The following SLC1A1 variants were observed in gnomAD, a reference collection of about 807,000 sequenced individuals.
The protein encoded by SLC1A1 is solute carrier family 1 member 1.
SLC1A1 carries 43 observed loss-of-function variants against 53.3 expected under a neutral mutation model. The observed-to-expected ratio is 0.81, with a 90% CI of 0.63 to 1.04. The LOEUF is 1.04. Among genes scored for constraint, SLC1A1 ranks in the 50% least tolerant of loss-of-function variants. The pLI, the probability that SLC1A1 is intolerant of heterozygous loss-of-function variation, is 0.00. For missense variants in SLC1A1, 748 were observed against 664.9 expected (o/e 1.12, Z -1.37); for synonymous variants, 307 against 243.2 (o/e 1.26, Z -2.44).
intron 8 of SLC1A1, 59 bp from the exon 9 acceptor site, chr9:4,575,942 A>T: frequency 1.3e-6 from 2 of 1,590,914 alleles, no homozygotes; most frequent in Non-Finnish European, 8.6e-7. Flanking sequence ...TGATAAAAGG[A>T]TTAAGTGTGG....
At chr9:4,547,322 C>G (rs1817574417) in intron 2 of SLC1A1, among the ~76,000 whole-genome samples, 1 of 152,194 alleles carries the variant, frequency 6.6e-6, no homozygotes, top group Non-Finnish European at 1.5e-5. Context: ...TAGCATGGAT[C>G]AAGTAGTTTC....
Position 4,566,176 on chromosome 9 carries a change from G to C in SLC1A1, c.483+87G>C, listed in dbSNP as rs1009633884. 21 of 1,177,078 alleles carry C rather than the reference G, an allele frequency of 1.8e-5. 1 individual carries two copies. In the Admixed American group the frequency reaches 3.5e-4, roughly 20 times the overall value. 72.9% of individuals were successfully genotyped at this position (1,177,078 alleles called of 1,614,324 possible). ...TTTTTTCTGCTGTGACTCAAGAAAT[G>C]GAATTAGCCCCGTGAAAATGGCAGC... On this transcript the variant is annotated intron_variant, in intron 5 of 11. Coordinates refer to ENST00000262352, the MANE Select transcript of SLC1A1 (RefSeq NM_004170.6).
chr9:4,534,244 A>T (rs1488762907), intron 1 of SLC1A1, among the ~76,000 whole-genome samples: 1 of 152,132 alleles, frequency 6.6e-6, no homozygotes, highest in Non-Finnish European at 1.5e-5. Flanking sequence ...ACACAAAAAA[A>T]CCCTTCAAAA....
At chr9:4,559,283 C>T (rs78666529) in intron 2 of SLC1A1, among the ~76,000 whole-genome samples, 59 of 152,150 alleles carry the variant, frequency 3.9e-4, no homozygotes, top group African/African-American at 1.4e-3. Flanking sequence ...GCAGTATGCC[C>T]ATTATATGGC....
intron 2 of SLC1A1, among the ~76,000 whole-genome samples, chr9:4,546,902 C>T (rs142442852): frequency 1.3e-3 from 196 of 152,298 alleles, no homozygotes; most frequent in Admixed American, 4.0e-3. Context: ...ATATTTTGCA[C>T]GCAATTGCAC....
At chr9:4,585,220 C>G in intron 11 of SLC1A1, 92 bp from the exon 12 acceptor site, 1 of 1,552,596 alleles carries the variant, frequency 6.4e-7, no homozygotes, top group South Asian at 1.1e-5. Flanking sequence ...TTACTGAAAT[C>G]TAAACTGAAC....
chr9:4,510,560 G>A (rs1470727496), intron 1 of SLC1A1, among the ~76,000 whole-genome samples: 1 of 152,086 alleles, frequency 6.6e-6, no homozygotes, highest in African/African-American at 2.4e-5. Context: ...ATATCATCTG[G>A]ACCTGTTGTC....
Position 4,549,714 on chromosome 9 carries a change from C to T in SLC1A1, c.232+5007C>T, listed in dbSNP as rs1049763672. Among the ~76,000 whole-genome samples, 2 of 152,176 alleles carry T rather than the reference C, an allele frequency of 1.3e-5. No individual in the cohort carries two copies. The highest frequency in any genetic ancestry group is 2.4e-5 in the African/African-American group (1 of 41,444). On this transcript the variant is annotated intron_variant, in intron 2 of 11. Coordinates refer to ENST00000262352, the MANE Select transcript of SLC1A1 (RefSeq NM_004170.6). The surrounding 1 kb of genome is among the most constrained non-coding windows in gnomAD (Gnocchi z 4.1). ...TGGAATATCCACTTCAGAGAAAACC[C>T]CCCTCACGGCCACAGGGGGATAGCC...
intron 1 of SLC1A1, among the ~76,000 whole-genome samples, chr9:4,504,597 T>A (rs1158624715): frequency 6.6e-6 from 1 of 152,244 alleles, no homozygotes. Context: ...GAGAATTTCC[T>A]GAGGTTTCAC....
At chr9:4,516,570 C>G (rs1821168067) in intron 1 of SLC1A1, among the ~76,000 whole-genome samples, 1 of 152,184 alleles carries the variant, frequency 6.6e-6, no homozygotes, top group South Asian at 2.1e-4. Flanking sequence ...GATGAAGTTC[C>G]TTCCCAACTT....
intron 3 of SLC1A1, among the ~76,000 whole-genome samples, chr9:4,563,201 G>C (rs1819144408): frequency 6.6e-6 from 1 of 151,796 alleles, no homozygotes; most frequent in Non-Finnish European, 1.5e-5. Context: ...CATATACTCA[G>C]ATGTGGCAGC....
intron 3 of SLC1A1, 134 bp from the exon 4 acceptor site, chr9:4,564,210 T>G: frequency 1.4e-6 from 1 of 697,032 alleles, no homozygotes. Flanking sequence ...AGGCTCAGCA[T>G]TTTGGCTGGA....
chr9:4,537,427 C>T lies in SLC1A1; in HGVS notation c.92-7140C>T, dbSNP rs1328190059. ...ACAAAAAATTAGCCGGGCGCGGTGGCGGGCGCCTGTAGTCCCAGCTACTCG... is the reference window on the plus strand; with the variant it reads ...ACAAAAAATTAGCCGGGCGCGGTGGTGGGCGCCTGTAGTCCCAGCTACTCG... On this transcript the variant is annotated intron_variant, in intron 1 of 11. Coordinates refer to ENST00000262352, the MANE Select transcript of SLC1A1 (RefSeq NM_004170.6). 9.3e-5 allele frequency among the ~76,000 whole-genome samples: 9 copies of T among 97,284 alleles called. 3 individuals are homozygous for T. Among genetic ancestry groups the T allele is most frequent in the African/African-American group, 2.4e-4 (6 of 25,420 alleles). The allele number at this position is 97,284 out of a possible 152,430, so 63.8% of individuals were successfully genotyped here.
chr9:4,538,356 T>C (rs1472607398), intron 1 of SLC1A1, among the ~76,000 whole-genome samples: 1 of 152,222 alleles, frequency 6.6e-6, no homozygotes, highest in Non-Finnish European at 1.5e-5. Flanking sequence ...TGCATTCTTT[T>C]GAGTTTCTGA....
intron 2 of SLC1A1, among the ~76,000 whole-genome samples, chr9:4,559,557 G>A (rs1317052592): frequency 6.6e-6 from 1 of 152,032 alleles, no homozygotes; most frequent in African/African-American, 2.4e-5. Context: ...TAAAAAAAAT[G>A]GATAGGCCTT....
intron 1 of SLC1A1, among the ~76,000 whole-genome samples, chr9:4,504,935 C>G (rs1179561168): frequency 4.0e-5 from 6 of 151,592 alleles, no homozygotes; most frequent in South Asian, 4.2e-4. Flanking sequence ...GTAAATAAGT[C>G]TGTAATATTT....
chr9:4,576,197 A>C, intron 9 of SLC1A1, 74 bp downstream of exon 9: 2 of 1,465,884 alleles, frequency 1.4e-6, no homozygotes, highest in Non-Finnish European at 1.9e-6. Flanking sequence ...TTTACAAAAC[A>C]GACTCCAGCT....
intron 1 of SLC1A1, among the ~76,000 whole-genome samples, chr9:4,493,122 G>A (rs1178142083): frequency 1.3e-5 from 2 of 152,204 alleles, no homozygotes; most frequent in African/African-American, 4.8e-5. Flanking sequence ...CTTAGTTTGA[G>A]TACTTTTCTC....
intron 1 of SLC1A1, 114 bp downstream of exon 1, chr9:4,490,884 T>C: frequency 2.5e-6 from 2 of 815,672 alleles, no homozygotes; most frequent in Admixed American, 2.2e-5. Context: ...GGTCCCTCGA[T>C]GCCCCCTCGG....
Sources: allele counts gnomAD v4.1 joint callset (sites outside exome capture counted in the v4.1 genomes callset), GRCh38; gene constraint gnomAD v4.1.1; non-coding constraint Gnocchi (gnomAD v3.1); transcripts MANE v1.5; gene names NCBI Gene and HGNC (gene_info 2026-07-23, HGNC 2026-07-21).